CHRM2: variants seen among roughly 807,000 people sequenced by gnomAD.
CHRM2 encodes cholinergic receptor muscarinic 2, also known as muscarinic acetylcholine receptor M2.
In CHRM2, 8 loss-of-function variants were observed where a neutral mutation model predicts 25.0. That is an observed-to-expected ratio of 0.32 (90% CI 0.19 to 0.58). The LOEUF is 0.58. Among genes scored for constraint, CHRM2 ranks in the 20% least tolerant of loss-of-function variants. The pLI is 0.88. For missense variants in CHRM2, 440 were observed against 567.1 expected (o/e 0.78, Z 2.28); for synonymous variants, 202 against 205.7 (o/e 0.98, Z 0.15).
intron 2 of CHRM2, among the ~76,000 whole-genome samples, chr7:136,939,493 G>T (rs1247560854): frequency 6.6e-6 from 1 of 152,092 alleles, no homozygotes; most frequent in Non-Finnish European, 1.5e-5. Flanking sequence ...TGGTTGCAAA[G>T]AGTAAAGAAT....
In CHRM2 at chr7:136,972,219, T is replaced by A. The variant is rs1012798260; in HGVS notation, c.-124-19968T>A. Among the ~76,000 whole-genome samples, 10 of 152,280 alleles carry A rather than the reference T, an allele frequency of 6.6e-5. No homozygotes were observed. In the East Asian group the frequency reaches 1.4e-3, roughly 21 times the overall value. On this transcript the variant is annotated intron_variant, in intron 2 of 3. Transcript: ENST00000680005. ...TACCAACAGACAAAAACTAAAGGAT[T>A]TATTTTCTTTATATGAGAGTAAAAT... is the stretch of plus-strand genomic sequence containing the variant.
intron 2 of CHRM2, among the ~76,000 whole-genome samples, chr7:136,987,295 C>G (rs1187773926): frequency 1.3e-5 from 2 of 152,190 alleles, no homozygotes; most frequent in East Asian, 3.9e-4. Flanking sequence ...CATTTAGGGG[C>G]ACCCTCTGTT....
chr7:136,897,986 A>G (rs1319026577), intron 2 of CHRM2, among the ~76,000 whole-genome samples: 1 of 152,130 alleles, frequency 6.6e-6, no homozygotes, highest in Non-Finnish European at 1.5e-5. Context: ...TGAGATACAC[A>G]TTGCTCTGTT....
At chr7:136,999,081 G>A (rs928700194) in intron 3 of CHRM2, among the ~76,000 whole-genome samples, 70 of 152,124 alleles carry the variant, frequency 4.6e-4, no homozygotes, top group African/African-American at 1.5e-3. Flanking sequence ...CATGAAATTC[G>A]CCCATGAACA....
intron 2 of CHRM2, chr7:136,899,445 T>C (rs1006152312): frequency 6.6e-6 from 1 of 152,128 alleles, no homozygotes; most frequent in Non-Finnish European, 1.5e-5. Context: ...CTTACTAGTT[T>C]GCATGATTTC....
intron 2 of CHRM2, among the ~76,000 whole-genome samples, chr7:136,940,202 T>C (rs1195456236): frequency 1.3e-5 from 2 of 152,216 alleles, no homozygotes; most frequent in Non-Finnish European, 2.9e-5. Flanking sequence ...GCAGTTTGTG[T>C]GAAAGAAGCA....
intron 2 of CHRM2, among the ~76,000 whole-genome samples, chr7:136,939,008 A>C (rs182863084): frequency 1.3e-5 from 2 of 149,496 alleles, no homozygotes; most frequent in East Asian, 2.0e-4. Flanking sequence ...TCCAATTCTA[A>C]GAGGCAGGAT....
intron 2 of CHRM2, among the ~76,000 whole-genome samples, chr7:136,974,871 G>A (rs1205522699): frequency 6.6e-6 from 1 of 152,162 alleles, no homozygotes; most frequent in Non-Finnish European, 1.5e-5. Context: ...CCTGTTGGGT[G>A]GCCTTTGAAG....
intron 2 of CHRM2, among the ~76,000 whole-genome samples, chr7:136,985,504 CAAAAAA>C (rs974105875): frequency 1.7e-5 from 1 of 59,756 alleles, no homozygotes; most frequent in Non-Finnish European, 2.8e-5. Context: ...AGTTAGACTC[CAAAAAA>C]AAAAAAAAAA....
intron 3 of CHRM2, among the ~76,000 whole-genome samples, chr7:136,993,023 T>G (rs1206240538): frequency 1.3e-5 from 2 of 152,218 alleles, no homozygotes; most frequent in Non-Finnish European, 2.9e-5. Context: ...CAGCAACACC[T>G]AGATTTGTGT....
intron 2 of CHRM2, among the ~76,000 whole-genome samples, chr7:136,892,038 A>G (rs1229756920): frequency 2.0e-5 from 3 of 152,226 alleles, no homozygotes; most frequent in East Asian, 3.9e-4. Flanking sequence ...CTAGAATAGT[A>G]TCTGTTACAC....
At chr7:136,882,163 T>C (rs1461973302) in intron 2 of CHRM2, among the ~76,000 whole-genome samples, 1 of 152,042 alleles carries the variant, frequency 6.6e-6, no homozygotes, top group Non-Finnish European at 1.5e-5. Context: ...CCTCCAGCTA[T>C]TTAGACACCG....
chr7:136,976,385 C>T (rs976286213), intron 2 of CHRM2, among the ~76,000 whole-genome samples: 1 of 151,950 alleles, frequency 6.6e-6, no homozygotes, highest in Admixed American at 6.6e-5. Flanking sequence ...AAAGTTGGTA[C>T]CTATTGTGCT....
chr7:137,016,321 G>A lies in CHRM2; in HGVS notation c.*55G>A. 6.6e-7 allele frequency: 1 copy of A among 1,523,288 alleles called. No homozygotes were observed. The highest frequency in any genetic ancestry group is 9.1e-7 in the Non-Finnish European group (1 of 1,099,552). 94.4% of individuals were successfully genotyped at this position (1,523,288 alleles called of 1,614,324 possible). A position where few individuals can be genotyped will look rare whatever the true frequency, so the allele number is the denominator to read the frequency against. ...AAGGGGAGCTTGAGAAGAATAAAAGGGATAAACGAGCTCCTAGTTTTAAAA... is the reference window on the plus strand; with the variant it reads ...AAGGGGAGCTTGAGAAGAATAAAAGAGATAAACGAGCTCCTAGTTTTAAAA... On this transcript the variant is annotated 3_prime_UTR_variant, in exon 4 of 4. Coordinates refer to ENST00000680005, the MANE Select transcript of CHRM2 (RefSeq NM_001006630.2).
Position 136,922,584 on chromosome 7 carries a change from C to A in CHRM2, c.-125+53166C>A, listed in dbSNP as rs567859039. On this transcript the variant is annotated intron_variant, in intron 2 of 3. Transcript: ENST00000680005. ...TATCTACAGTTCCCTCATCTTCCTG[C>A]CCTGTCTGAGCTCTACCACACATCA... 2.6e-3 allele frequency among the ~76,000 whole-genome samples: 390 copies of A among 152,280 alleles called. 2 individuals are homozygous for A. The highest frequency in any genetic ancestry group is 4.4e-3 in the Non-Finnish European group (302 of 68,018).
intron 2 of CHRM2, among the ~76,000 whole-genome samples, chr7:136,943,938 T>G (rs1435814194): frequency 6.6e-6 from 1 of 152,188 alleles, no homozygotes; most frequent in African/African-American, 2.4e-5. Flanking sequence ...AGGGCATATC[T>G]GTACCCATTA....
chr7:136,999,361 A>G (rs1043659971), intron 3 of CHRM2, among the ~76,000 whole-genome samples: 5 of 152,132 alleles, frequency 3.3e-5, no homozygotes, highest in Non-Finnish European at 5.9e-5. Flanking sequence ...CTCCACATGT[A>G]TCCTGGAACT....
intron 2 of CHRM2, among the ~76,000 whole-genome samples, chr7:136,958,740 A>AGGTG (rs1265470351): frequency 2.6e-5 from 4 of 152,174 alleles, no homozygotes; most frequent in African/African-American, 9.7e-5. Context: ...TACAGGTGTG[A>AGGTG]GCCACCATGT....
intron 2 of CHRM2, among the ~76,000 whole-genome samples, chr7:136,973,137 T>C (rs111252869): frequency 4.0e-4 from 21 of 53,028 alleles, no homozygotes; most frequent in South Asian, 1.3e-3. Flanking sequence ...TGGCAGGTGA[T>C]GATGGTGACG....
Sources: allele counts gnomAD v4.1 joint callset (sites outside exome capture counted in the v4.1 genomes callset), GRCh38; gene constraint gnomAD v4.1.1; transcripts MANE v1.5; gene names NCBI Gene and HGNC (gene_info 2026-07-23, HGNC 2026-07-21).